Variants in MAF observed in about 807,000 individuals in gnomAD.
MAF encodes MAF bZIP transcription factor.
A neutral mutation model predicts 22.0 loss-of-function variants in MAF; 10 were observed. The observed-to-expected ratio is 0.45, with a 90% CI of 0.28 to 0.77. MAF has a LOEUF of 0.77. Ranked by LOEUF, MAF falls within the 30% of genes least tolerant of loss-of-function variation. The probability of loss-of-function intolerance (pLI) is 0.12; values close to 1 mark genes in which losing one functional copy is unlikely to be tolerated. For synonymous variants in MAF, 337 were observed against 255.8 expected, an observed-to-expected ratio of 1.32 and a Z score of -3.03; for missense variants, 544 against 548.4, an observed-to-expected ratio of 0.99 and a Z score of 0.08.
chr16:79,387,485 T>G, the MAF span, among the ~76,000 whole-genome samples: 1 of 152,224 alleles, frequency 6.6e-6, no homozygotes, highest in African/African-American at 2.4e-5. Flanking sequence ...TAGTGTCATC[T>G]TGGTATTACT....
At chr16:79,213,687 C>CAGTT in the MAF span, among the ~76,000 whole-genome samples, 5,158 of 152,290 alleles carry the variant, frequency 0.034, 311 homozygotes, top group African/African-American at 0.12. Flanking sequence ...CGGCATCCAG[C>CAGTT]AGTTAGTTAG....
At chr16:79,510,415 G>A in the MAF span, among the ~76,000 whole-genome samples, 91 of 152,202 alleles carry the variant, frequency 6.0e-4, no homozygotes, top group African/African-American at 1.8e-3. Context: ...GTATCTCCCC[G>A]CAGTCTGGGG....
the MAF span, among the ~76,000 whole-genome samples, chr16:79,381,357 C>T: frequency 6.6e-6 from 1 of 152,184 alleles, no homozygotes; most frequent in South Asian, 2.1e-4. Flanking sequence ...GAAAACAGAT[C>T]CATACTCTGA....
chr16:79,218,325 G>A, the MAF span, among the ~76,000 whole-genome samples: 1 of 150,278 alleles, frequency 6.7e-6, no homozygotes, highest in Admixed American at 6.7e-5. Flanking sequence ...GCCATTATTT[G>A]GAAACCCATT....
the MAF span, among the ~76,000 whole-genome samples, chr16:79,487,749 T>C: frequency 6.6e-6 from 1 of 152,226 alleles, no homozygotes; most frequent in Non-Finnish European, 1.5e-5. Context: ...CTTCGGAGAC[T>C]ACATCCTTGG....
At chr16:79,317,751 T>C in the MAF span, among the ~76,000 whole-genome samples, 18 of 152,176 alleles carry the variant, frequency 1.2e-4, no homozygotes, top group Non-Finnish European at 1.5e-5. Flanking sequence ...TGGCTGCCGA[T>C]TTGCTCTGGG....
downstream of MAF, among the ~76,000 whole-genome samples, chr16:79,581,508 G>C (rs537427298): frequency 6.6e-6 from 1 of 151,520 alleles, no homozygotes; most frequent in Non-Finnish European, 1.5e-5. Context: ...AAGAAACTTT[G>C]TCTGTGGAAC....
chr16:79,524,904 A>C, the MAF span, among the ~76,000 whole-genome samples: 1 of 152,218 alleles, frequency 6.6e-6, no homozygotes, highest in Non-Finnish European at 1.5e-5. Context: ...AATGTGGCCA[A>C]CACGCACACA....
At chr16:79,257,072 G>A in the MAF span, among the ~76,000 whole-genome samples, 9 of 152,270 alleles carry the variant, frequency 5.9e-5, no homozygotes, top group African/African-American at 1.7e-4. Flanking sequence ...GGTTACTCGG[G>A]AGGCTGAGGC....
chr16:79,436,761 A>G, the MAF span, among the ~76,000 whole-genome samples: 33 of 152,242 alleles, frequency 2.2e-4, no homozygotes, highest in African/African-American at 7.9e-4. Flanking sequence ...CCCTAAGATG[A>G]CGTGATGCCC....
the MAF span, among the ~76,000 whole-genome samples, chr16:79,359,695 A>T: frequency 6.6e-6 from 1 of 152,202 alleles, no homozygotes; most frequent in Non-Finnish European, 1.5e-5. Context: ...TTTACTTTGT[A>T]GCCAAGAGCT....
Position 79,598,778 on chromosome 16 carries a change from G to T in MAF, c.1118+7C>A, listed in dbSNP as rs759490385. The T allele has an allele frequency of 3.7e-6, 6 of 1,613,834 alleles. No homozygotes were observed. The highest frequency in any genetic ancestry group is 4.2e-6 in the Non-Finnish European group (5 of 1,179,992). ...GGTGGCTAGCTGGAATCGCGTGTCA[G>T]ACTCACATGAAAAACTCGGGAGAGG... is the stretch of plus-strand genomic sequence containing the variant. On this transcript the variant is annotated splice_region_variant and intron_variant, in intron 1 of 1. Coordinates refer to ENST00000326043, the MANE Select transcript of MAF (RefSeq NM_005360.5).
At chr16:79,572,533 G>T in the MAF span, among the ~76,000 whole-genome samples, 2 of 152,170 alleles carry the variant, frequency 1.3e-5, no homozygotes, top group African/African-American at 4.8e-5. Flanking sequence ...GGTTGATCAG[G>T]AGGAGGGGCT....
chr16:79,480,860 T>C, the MAF span, among the ~76,000 whole-genome samples: 1 of 152,284 alleles, frequency 6.6e-6, no homozygotes, highest in African/African-American at 2.4e-5. Flanking sequence ...TCTGTTTGGA[T>C]AGGACCGTGG....
the MAF span, among the ~76,000 whole-genome samples, chr16:79,456,425 A>G: frequency 3.3e-5 from 5 of 152,188 alleles, no homozygotes; most frequent in African/African-American, 1.2e-4. Flanking sequence ...AGATATAAAC[A>G]TATCTCCTTC....
At chr16:79,412,976 G>A in the MAF span, among the ~76,000 whole-genome samples, 1 of 152,220 alleles carries the variant, frequency 6.6e-6, no homozygotes. Context: ...AAAGCAGGAA[G>A]TCCTTACAGC....
chr16:79,555,229 G>C, the MAF span, among the ~76,000 whole-genome samples: 1 of 152,156 alleles, frequency 6.6e-6, no homozygotes, highest in Admixed American at 6.5e-5. Context: ...AACTCATGCT[G>C]CCCTGGGATT....
chr16:79,473,248 G>A, the MAF span, among the ~76,000 whole-genome samples: 2 of 152,106 alleles, frequency 1.3e-5, no homozygotes, highest in Non-Finnish European at 2.9e-5. Flanking sequence ...GCAGGTCCCA[G>A]ATGTCTGCAT....
chr16:79,449,960 A>C, the MAF span, among the ~76,000 whole-genome samples: 36 of 152,362 alleles, frequency 2.4e-4, no homozygotes, highest in Non-Finnish European at 4.3e-4. Flanking sequence ...AGATGGGCAG[A>C]AATTTCTTTC....
Sources: allele counts gnomAD v4.1 joint callset (sites outside exome capture counted in the v4.1 genomes callset), GRCh38; gene constraint gnomAD v4.1.1; transcripts MANE v1.5; gene names NCBI Gene and HGNC (gene_info 2026-07-23, HGNC 2026-07-21).